Variants in TCF4 observed in about 807,000 individuals in gnomAD.
The protein encoded by TCF4 is transcription factor 4, also known as SL3-3 enhancer factor 2.
A neutral mutation model predicts 82.1 loss-of-function variants in TCF4; 3 were observed. That is an observed-to-expected ratio of 0.04 (90% CI 0.02 to 0.09). The LOEUF is 0.09. Ranked by LOEUF, TCF4 falls within the 10% of genes least tolerant of loss-of-function variation. TCF4 has a pLI of 1.00. For synonymous variants in TCF4, 276 were observed against 309.6 expected (o/e 0.89, Z 1.14); for missense variants, 518 against 852.7 (o/e 0.61, Z 4.89).
chr18:55,591,149 T>C (rs2097684752), upstream of TCF4: 1 of 152,228 alleles, frequency 6.6e-6, no homozygotes. Flanking sequence ...AATTAAGGCA[T>C]TTATTGGTTG....
chr18:55,558,743 A>G (rs1040993397), intron 3 of TCF4, among the ~76,000 whole-genome samples: 1 of 152,158 alleles, frequency 6.6e-6, no homozygotes, highest in Non-Finnish European at 1.5e-5. Flanking sequence ...TATGGTTTCC[A>G]TGGGGCATTT....
chr18:55,325,191 T>C (rs929619945), intron 8 of TCF4, among the ~76,000 whole-genome samples: 3 of 152,230 alleles, frequency 2.0e-5, no homozygotes, highest in African/African-American at 7.2e-5. Flanking sequence ...AACCATTTCA[T>C]GAACAATTAT....
At chr18:55,589,534 T>TAA, upstream of TCF4, 1 of 1,022,768 alleles carries the variant, frequency 9.8e-7, no homozygotes, top group Non-Finnish European at 1.2e-6. Context: ...AAGAAATCAT[T>TAA]AAAAAAAAAT....
chr18:55,590,415 G>A (rs1278262749), upstream of TCF4, among the ~76,000 whole-genome samples: 1 of 152,190 alleles, frequency 6.6e-6, no homozygotes, highest in African/African-American at 2.4e-5. Context: ...TCTTCACTTG[G>A]CGAAGACCTT....
intron 2 of TCF4, among the ~76,000 whole-genome samples, chr18:55,622,049 TA>T (rs2097721548): frequency 7.3e-6 from 1 of 136,826 alleles, no homozygotes; most frequent in Non-Finnish European, 1.5e-5. Context: ...ACACTATATA[TA>T]ATATATATAC....
chr18:55,464,550 C>T (rs1474224396), intron 3 of TCF4, among the ~76,000 whole-genome samples: 2 of 152,154 alleles, frequency 1.3e-5, no homozygotes, highest in African/African-American at 2.4e-5. Context: ...CGCCATAATG[C>T]TCTTGGATCC....
intron 3 of TCF4, among the ~76,000 whole-genome samples, chr18:55,567,694 C>T (rs912985522): frequency 4.0e-5 from 6 of 151,348 alleles, no homozygotes; most frequent in Admixed American, 1.3e-4. Context: ...GCCTGGGAGA[C>T]AGAGCGAGAC....
chr18:55,429,774 A>AAAC (rs2095123284), intron 5 of TCF4, among the ~76,000 whole-genome samples: 1 of 150,328 alleles, frequency 6.7e-6, no homozygotes. Flanking sequence ...CAAAAAAAAA[A>AAAC]AAAAAAAAAA....
intron 6 of TCF4, among the ~76,000 whole-genome samples, chr18:55,359,910 T>C (rs550218279): frequency 6.6e-6 from 1 of 152,190 alleles, no homozygotes; most frequent in Non-Finnish European, 1.5e-5. Context: ...CCTTTGTTCT[T>C]ATCTATGACA....
intron 8 of TCF4, among the ~76,000 whole-genome samples, chr18:55,282,255 C>T (rs1257431016): frequency 6.6e-6 from 1 of 152,008 alleles, no homozygotes; most frequent in Non-Finnish European, 1.5e-5. Context: ...CAACCTCCCA[C>T]ATTTCAAATA....
At chr18:55,320,622 T>G (rs1432959008) in intron 8 of TCF4, among the ~76,000 whole-genome samples, 1 of 152,244 alleles carries the variant, frequency 6.6e-6, no homozygotes, top group Non-Finnish European at 1.5e-5. Context: ...TTGCTACAGC[T>G]GAACTGGGCC....
At chr18:55,357,491 A>C (rs1260794630) in intron 6 of TCF4, among the ~76,000 whole-genome samples, 3 of 152,204 alleles carry the variant, frequency 2.0e-5, no homozygotes, top group Non-Finnish European at 2.9e-5. Context: ...TTTGTGCCAA[A>C]GTAAAAATAG....
rs1272373533 is a variant in TCF4 at position 55,223,832 on chromosome 18, A to G, written c.*4203T>C. 6.6e-6 allele frequency: 1 copy of G among 152,420 alleles called. No individual in the cohort carries two copies. The highest frequency in any genetic ancestry group is 1.5e-5 in the Non-Finnish European group (1 of 68,006). 9.4% of individuals were successfully genotyped at this position (152,420 alleles called of 1,614,324 possible). On this transcript the variant is annotated 3_prime_UTR_variant, in exon 20 of 20. Transcript: ENST00000354452. ...AACAAAAACAAAAACAAAACAAAAA[A>G]CAAACAAAAAAGCTACCCATACAGT...
At chr18:55,542,294 C>T (rs555639534) in intron 3 of TCF4, among the ~76,000 whole-genome samples, 19 of 151,858 alleles carry the variant, frequency 1.3e-4, no homozygotes, top group Admixed American at 6.6e-4. Flanking sequence ...TTCATACATC[C>T]ACATAGAATC....
At position 55,338,184 on chromosome 18, in the gene TCF4, C is replaced by CA. The variant is rs79700443; in HGVS notation, c.549+12174dup. ...CCCATTTCATTTCGACCACGGCAGC[C>CA]AAAAAAAGCACTGCCCCACCGTGCG... On this transcript the variant is annotated intron_variant, in intron 8 of 19. Coordinates refer to ENST00000354452, the MANE Select transcript of TCF4 (RefSeq NM_001083962.2). Among the ~76,000 whole-genome samples the CA allele has an allele frequency of 1.8e-3, 270 of 152,074 alleles. 6 individuals carry two copies. In the East Asian group the frequency reaches 0.045, roughly 25 times the overall value.
intron 3 of TCF4, among the ~76,000 whole-genome samples, chr18:55,538,052 A>G (rs915522247): frequency 6.6e-6 from 1 of 151,956 alleles, no homozygotes; most frequent in Non-Finnish European, 1.5e-5. Context: ...ACACACACAC[A>G]CACACACACA....
chr18:55,503,042 C>T (rs1198260145), intron 3 of TCF4, among the ~76,000 whole-genome samples: 1 of 152,110 alleles, frequency 6.6e-6, no homozygotes, highest in African/African-American at 2.4e-5. Flanking sequence ...TTGATTTATC[C>T]TTATTCATTC....
intron 1 of TCF4, chr18:55,631,529 G>A (rs1159501870): frequency 2.8e-6 from 2 of 725,312 alleles, no homozygotes; most frequent in African/African-American, 3.6e-5. Context: ...CAAGTGCACA[G>A]AAACTCTTGA....
chr18:55,313,197 T>C (rs2073094839), intron 8 of TCF4, among the ~76,000 whole-genome samples: 1 of 152,130 alleles, frequency 6.6e-6, no homozygotes, highest in Non-Finnish European at 1.5e-5. Context: ...ACATGTTTAA[T>C]TATGGAAGTA....
Sources: gnomAD v4.1 joint callset for allele counts (sites outside exome capture counted in the v4.1 genomes callset) on GRCh38, gnomAD v4.1.1 for gene constraint, MANE v1.5 for transcripts, NCBI Gene and HGNC (gene_info 2026-07-23, HGNC 2026-07-21) for gene names.